The following KHDC1 variants were observed in gnomAD, a reference collection of about 807,000 sequenced individuals.
KHDC1 encodes the protein KH homology domain-containing protein 1.
A neutral mutation model predicts 24.7 loss-of-function variants in KHDC1; 21 were observed. The ratio of observed to expected loss-of-function variants is 0.85; its 90% confidence interval spans 0.60 to 1.23. The LOEUF (loss-of-function observed/expected upper bound fraction) is 1.23, where lower values mean the gene tolerates loss of function less well. KHDC1 is among the 50% of genes most tolerant of loss of function. The pLI is 0.00. For synonymous variants in KHDC1, 98 were observed against 111.7 expected, an observed-to-expected ratio of 0.88 and a Z score of 0.77; for missense variants, 274 against 298.5, an observed-to-expected ratio of 0.92 and a Z score of 0.61.
Position 73,248,722 on chromosome 6 carries a change from C to T in KHDC1, c.207-6192G>A, listed in dbSNP as rs532427466. 8.5e-5 allele frequency among the ~76,000 whole-genome samples: 13 copies of T among 152,224 alleles called. No individual in the cohort carries two copies. In the East Asian group the frequency reaches 2.5e-3, roughly 29 times the overall value. ...CTTCCACTTGATTCTTTCGAATGAA[C>T]AAATATTAACCAACAATCCAATCCA... On this transcript the variant is annotated intron_variant, in intron 2 of 4. Transcript: ENST00000370384.
chr6:73,242,874 C>G (rs771695385), intron 2 of KHDC1, among the ~76,000 whole-genome samples: 1 of 152,162 alleles, frequency 6.6e-6, no homozygotes, highest in Non-Finnish European at 1.5e-5. Context: ...TGCAAGAAGG[C>G]TCCAAATGGG....
At chr6:73,247,727 C>T (rs891516227) in intron 2 of KHDC1, among the ~76,000 whole-genome samples, 16 of 151,888 alleles carry the variant, frequency 1.1e-4, no homozygotes, top group East Asian at 1.9e-4. Flanking sequence ...CATAGTGGCA[C>T]GCATCTGTAA....
intron 1 of KHDC1, among the ~76,000 whole-genome samples, chr6:73,305,227 G>A (rs116116985): frequency 0.043 from 6,527 of 151,904 alleles, 156 homozygotes; most frequent in Middle Eastern, 0.065. Flanking sequence ...AAGTGACAGA[G>A]CAAGACTCCA....
At chr6:73,285,124 T>A (rs1051720488) in intron 2 of KHDC1, among the ~76,000 whole-genome samples, 12 of 151,902 alleles carry the variant, frequency 7.9e-5, no homozygotes, top group Non-Finnish European at 1.6e-4. Context: ...GGATTACAAG[T>A]GTGAGCCACC....
chr6:73,267,907 G>A (rs1422140848), intron 2 of KHDC1: 1 of 151,938 alleles, frequency 6.6e-6, no homozygotes, highest in Non-Finnish European at 1.5e-5. Flanking sequence ...CACAATCTCA[G>A]CTCACTGCAA....
chr6:73,247,015 T>C (rs1305458948), intron 2 of KHDC1, among the ~76,000 whole-genome samples: 1 of 152,072 alleles, frequency 6.6e-6, no homozygotes, highest in Non-Finnish European at 1.5e-5. Context: ...TTTGCTATTG[T>C]TGCCCAGGCT....
intron 1 of KHDC1, chr6:73,293,141 A>G: frequency 1.3e-6 from 1 of 780,806 alleles, no homozygotes; most frequent in Non-Finnish European, 2.3e-6. Context: ...CTCTCACCCT[A>G]TCAGCAAGTG....
chr6:73,305,454 T>A (rs1042575516), intron 1 of KHDC1, among the ~76,000 whole-genome samples: 1 of 152,066 alleles, frequency 6.6e-6, no homozygotes, highest in Non-Finnish European at 1.5e-5. Context: ...AGTTTTTTAG[T>A]TTCTCTGTGT....
chr6:73,251,491 A>G (rs551480516), intron 2 of KHDC1, among the ~76,000 whole-genome samples: 2 of 152,352 alleles, frequency 1.3e-5, no homozygotes, highest in South Asian at 2.1e-4. Context: ...TAGAAAGCCA[A>G]TCACTGGCCC....
intron 1 of KHDC1, among the ~76,000 whole-genome samples, chr6:73,307,435 ATAAAT>A (rs1767985057): frequency 6.6e-6 from 1 of 152,154 alleles, no homozygotes. Context: ...CAATAAATAA[ATAAAT>A]TAATTAATTA....
chr6:73,271,998 T>A, intron 2 of KHDC1, among the ~76,000 whole-genome samples: 1 of 145,524 alleles, frequency 6.9e-6, no homozygotes, highest in African/African-American at 2.6e-5. Context: ...TATAGTGTAA[T>A]CCCATTTAAA....
At chr6:73,293,965 C>T (rs1767711015) in intron 1 of KHDC1, among the ~76,000 whole-genome samples, 1 of 144,232 alleles carries the variant, frequency 6.9e-6, no homozygotes, top group South Asian at 2.2e-4. Context: ...AAGATCACGC[C>T]ATTGCACTCC....
chr6:73,288,429 T>C (rs1767561638), intron 2 of KHDC1, among the ~76,000 whole-genome samples: 1 of 152,192 alleles, frequency 6.6e-6, no homozygotes, highest in Non-Finnish European at 1.5e-5. Flanking sequence ...AAGACCAGCC[T>C]GGGCAACATG....
intron 2 of KHDC1, among the ~76,000 whole-genome samples, chr6:73,290,076 C>T (rs1415897434): frequency 2.4e-5 from 3 of 123,870 alleles, no homozygotes; most frequent in African/African-American, 6.2e-5. Flanking sequence ...GTCCGCAGTC[C>T]GGCCTGGGCA....
intron 2 of KHDC1, among the ~76,000 whole-genome samples, chr6:73,278,963 A>G (rs1411947745): frequency 1.3e-5 from 2 of 152,210 alleles, no homozygotes; most frequent in Admixed American, 1.3e-4. Flanking sequence ...ACACTTGGCT[A>G]CAAACTCCTT....
intron 2 of KHDC1, among the ~76,000 whole-genome samples, chr6:73,289,954 G>C (rs1428181271): frequency 7.0e-6 from 1 of 143,772 alleles, no homozygotes; most frequent in African/African-American, 2.7e-5. Flanking sequence ...CAACAAATTA[G>C]CCGGGCGCGG....
intron 1 of KHDC1, among the ~76,000 whole-genome samples, chr6:73,301,805 T>A (rs1338030564): frequency 6.6e-6 from 1 of 151,968 alleles, no homozygotes; most frequent in Admixed American, 6.6e-5. Flanking sequence ...TAACTTTTTT[T>A]TTTATATAAG....
At chr6:73,296,731 A>G (rs1357052378) in intron 1 of KHDC1, among the ~76,000 whole-genome samples, 1 of 152,152 alleles carries the variant, frequency 6.6e-6, no homozygotes, top group Non-Finnish European at 1.5e-5. Context: ...GGAGGACTTG[A>G]TTTCAGACTA....
intron 1 of KHDC1, among the ~76,000 whole-genome samples, chr6:73,309,367 C>T (rs981429621): frequency 3.4e-4 from 52 of 152,276 alleles, no homozygotes; most frequent in African/African-American, 1.2e-3. Context: ...CCACATCTTG[C>T]CCTTTCTACT....
Sources: gnomAD v4.1 joint callset for allele counts (sites outside exome capture counted in the v4.1 genomes callset) on GRCh38, gnomAD v4.1.1 for gene constraint, MANE v1.5 for transcripts, NCBI Gene and HGNC (gene_info 2026-07-23, HGNC 2026-07-21) for gene names.